The following ANK3 variants were observed in gnomAD, a reference collection of about 807,000 sequenced individuals.
The protein encoded by ANK3 is ankyrin 3, also known as ankyrin-3.
In ANK3, 57 loss-of-function variants were observed where a neutral mutation model predicts 370.9. The observed-to-expected ratio is 0.15, with a 90% confidence interval of 0.12 to 0.19. The LOEUF (loss-of-function observed/expected upper bound fraction) is 0.19. ANK3 is among the 10% of genes least tolerant of loss of function. The pLI, the probability that ANK3 is intolerant of heterozygous loss-of-function variation, is 1.00. For missense variants in ANK3, 4,439 were observed against 5,302.1 expected, an observed-to-expected ratio of 0.84 and a Z score of 5.06; for synonymous variants, 1,929 against 1,946.3, an observed-to-expected ratio of 0.99 and a Z score of 0.23.
At chr10:60,493,093 A>AAG (rs2075565219) in intron 2 of ANK3, among the ~76,000 whole-genome samples, 1 of 151,496 alleles carries the variant, frequency 6.6e-6, no homozygotes. Flanking sequence ...AAAAAAAAAA[A>AAG]AAAAAGAAAA....
intron 1 of ANK3, among the ~76,000 whole-genome samples, chr10:60,730,804 A>G (rs558366542): frequency 6.6e-6 from 1 of 152,316 alleles, no homozygotes; most frequent in Non-Finnish European, 1.5e-5. Context: ...ATCTTTCTAG[A>G]AGTATAAACT....
At position 60,059,929 on chromosome 10, in the gene ANK3, C is replaced by A; in HGVS notation, c.12596-499G>T. The A allele has an allele frequency of 1.2e-6, 2 of 1,614,048 alleles. No homozygotes were observed. Reference sequence around the variant, plus strand: ...ATGCTAGAGATATCACTAAAATAATCATCTTGCTGGAAAGGGGTAGGTGGT... The same window carrying A: ...ATGCTAGAGATATCACTAAAATAATAATCTTGCTGGAAAGGGGTAGGTGGT... On this transcript the variant is annotated intron_variant, in intron 40 of 43. Coordinates refer to ENST00000280772, the MANE Select transcript of ANK3 (RefSeq NM_020987.5).
intron 2 of ANK3, among the ~76,000 whole-genome samples, chr10:60,459,584 C>A (rs367555421): frequency 6.6e-6 from 1 of 152,134 alleles, no homozygotes; most frequent in Admixed American, 6.6e-5. Flanking sequence ...CATTCTAGGT[C>A]TTTTCTCTTT....
intron 23 of ANK3, among the ~76,000 whole-genome samples, chr10:60,163,344 T>G (rs1591076990): frequency 6.6e-6 from 1 of 152,184 alleles, no homozygotes; most frequent in East Asian, 1.9e-4. Context: ...GAGCTCTGCT[T>G]AGCCCCCACC....
At chr10:60,293,243 C>T (rs1016139902) in intron 1 of ANK3, among the ~76,000 whole-genome samples, 7 of 152,202 alleles carry the variant, frequency 4.6e-5, no homozygotes, top group African/African-American at 1.7e-4. Flanking sequence ...GCATTCATCT[C>T]ATCACGCCTT....
intron 37 of ANK3, 91 bp downstream of exon 37, chr10:60,068,546 G>A: frequency 7.4e-7 from 1 of 1,347,174 alleles, no homozygotes; most frequent in Non-Finnish European, 1.0e-6. Flanking sequence ...TCATGCACTA[G>A]GGTCTACGAG....
rs1564474692 is a variant in ANK3 at position 60,027,162 on chromosome 10, T to C, written c.*2684A>G. ...TTAATACCTAAACAGGTATACATCA[T>C]TGAGTTTCTGGTTCAGGATAAACAC... On this transcript the variant is annotated 3_prime_UTR_variant, in exon 44 of 44. Transcript: ENST00000280772. 3 of 152,120 alleles carry C rather than the reference T, an allele frequency of 2.0e-5. No homozygotes were observed. Among genetic ancestry groups the C allele is most frequent in the South Asian group, 2.1e-4 (1 of 4,826 alleles). 9.4% of individuals were successfully genotyped at this position (152,120 alleles called of 1,614,324 possible). A position where few individuals can be genotyped will look rare whatever the true frequency, so the allele number is the denominator to read the frequency against.
chr10:60,522,134 T>C (rs1032521638), intron 2 of ANK3, among the ~76,000 whole-genome samples: 2 of 152,148 alleles, frequency 1.3e-5, no homozygotes, highest in African/African-American at 2.4e-5. Context: ...TAAAAATCAA[T>C]GCAATTCCTT....
intron 25 of ANK3, among the ~76,000 whole-genome samples, chr10:60,125,494 TG>T (rs2093709837): frequency 6.6e-6 from 1 of 152,214 alleles, no homozygotes; most frequent in Non-Finnish European, 1.5e-5. Context: ...CAAAGCACAT[TG>T]AAGAGAGAAA....
At chr10:60,687,417 C>T (rs2079283109) in intron 1 of ANK3, among the ~76,000 whole-genome samples, 1 of 152,072 alleles carries the variant, frequency 6.6e-6, no homozygotes, top group Non-Finnish European at 1.5e-5. Flanking sequence ...CCAAAGAAGA[C>T]ACACAGATGG....
At chr10:60,280,779 G>T (rs1366798573) in intron 1 of ANK3, among the ~76,000 whole-genome samples, 1 of 152,212 alleles carries the variant, frequency 6.6e-6, no homozygotes, top group Non-Finnish European at 1.5e-5. Context: ...CAGCAATATG[G>T]TAAACACCGC....
chr10:60,412,139 A>C (rs747904819), intron 2 of ANK3, among the ~76,000 whole-genome samples: 20 of 152,160 alleles, frequency 1.3e-4, no homozygotes, highest in African/African-American at 3.6e-4. Context: ...TAGACAAACT[A>C]TGTGTGTTAA....
At chr10:60,389,314 T>G in intron 1 of ANK3, 111 bp downstream of exon 1, 3 of 1,030,834 alleles carry the variant, frequency 2.9e-6, no homozygotes, top group East Asian at 2.4e-5. Flanking sequence ...ACACCCAATT[T>G]ACACTCTACC....
intron 2 of ANK3, among the ~76,000 whole-genome samples, chr10:60,485,198 A>G (rs1043010284): frequency 2.0e-5 from 3 of 152,114 alleles, no homozygotes; most frequent in Non-Finnish European, 2.9e-5. Context: ...TACATGCTAC[A>G]CAAGATTCTT....
chr10:60,209,310 A>G (rs1260786179), intron 9 of ANK3, among the ~76,000 whole-genome samples: 1 of 152,224 alleles, frequency 6.6e-6, no homozygotes, highest in East Asian at 1.9e-4. Context: ...TGTACCAAGG[A>G]ACCAGAGGTT....
intron 1 of ANK3, among the ~76,000 whole-genome samples, chr10:60,329,190 A>C (rs1453709998): frequency 6.6e-6 from 1 of 152,236 alleles, no homozygotes; most frequent in African/African-American, 2.4e-5. Flanking sequence ...TTGAATGGCC[A>C]AAAACTGGAA....
intron 7 of ANK3, among the ~76,000 whole-genome samples, chr10:60,235,565 T>G (rs978431656): frequency 8.1e-5 from 12 of 147,978 alleles, no homozygotes; most frequent in South Asian, 4.3e-4. Context: ...TTTTTTTTTT[T>G]TTTTTTTTTT....
chr10:60,687,239 A>G (rs991001788), intron 1 of ANK3, among the ~76,000 whole-genome samples: 3 of 152,224 alleles, frequency 2.0e-5, no homozygotes, highest in African/African-American at 4.8e-5. Context: ...TCAATAGTTT[A>G]TTAATATTTA....
At chr10:60,723,002 A>G (rs1247963565) in intron 1 of ANK3, among the ~76,000 whole-genome samples, 4 of 152,232 alleles carry the variant, frequency 2.6e-5, no homozygotes, top group Admixed American at 2.6e-4. Context: ...TAGCAACACA[A>G]AAACTAACCC....
Sources: gnomAD v4.1 joint callset for allele counts (sites outside exome capture counted in the v4.1 genomes callset) on GRCh38, gnomAD v4.1.1 for gene constraint, MANE v1.5 for transcripts, NCBI Gene and HGNC (gene_info 2026-07-23, HGNC 2026-07-21) for gene names.